The following TOGARAM1 variants were observed in gnomAD, a reference collection of about 807,000 sequenced individuals.
TOGARAM1 encodes the protein TOG array regulator of axonemal microtubules 1.
A neutral mutation model predicts 166.6 loss-of-function variants in TOGARAM1; 100 were observed. The observed-to-expected ratio is 0.60, with a 90% CI of 0.51 to 0.71. The LOEUF (loss-of-function observed/expected upper bound fraction) is 0.71. Among genes scored for constraint, TOGARAM1 ranks in the 30% least tolerant of loss-of-function variants. The pLI is 0.00. For missense variants in TOGARAM1, 2,029 were observed against 2,102.7 expected (o/e 0.96, Z 0.69); for synonymous variants, 758 against 763.8 (o/e 0.99, Z 0.13).
At chr14:44,975,558 C>T (rs913290747) in intron 1 of TOGARAM1, among the ~76,000 whole-genome samples, 2 of 152,058 alleles carry the variant, frequency 1.3e-5, no homozygotes, top group Non-Finnish European at 2.9e-5. Context: ...CCTCTGTCTC[C>T]CAGGTTCAAG....
rs771424680 is a variant in TOGARAM1, at chr14:45,052,556, G to T, written c.4434G>T (p.Gln1478His). The T allele has an allele frequency of 1.3e-6, 2 of 1,592,494 alleles. No homozygotes were observed. Among genetic ancestry groups the T allele is most frequent in the South Asian group, 2.3e-5 (2 of 88,330 alleles). ...TTAAGGACTCTGTTAGAAACTTACA[G>T]CAAAAGGTATGTGGGAAAAGTTTGT... is the stretch of plus-strand genomic sequence containing the variant. ...PYIKDSVRNL[Q>H]QKGLGEIPLD... Residue 1478 changes from glutamine to histidine, a missense_variant, in exon 15 of 20, where the codon CAG becomes CAT. Physicochemically the swap from Gln to His is conservative, Grantham distance 24 (BLOSUM62 0). This residue lies in a region of TOGARAM1 where 576 missense variants were observed against 670.5 expected (regional missense o/e 0.86). Transcript: ENST00000361462.
chr14:44,974,064 TGGG>T (rs1886051016), intron 1 of TOGARAM1, among the ~76,000 whole-genome samples: 1 of 152,014 alleles, frequency 6.6e-6, no homozygotes, highest in Admixed American at 6.5e-5. Flanking sequence ...TGACATTAAT[TGGG>T]GGAAATTCTC....
In TOGARAM1 at chr14:44,963,299, A is replaced by C. The variant is rs868609050; in HGVS notation, c.878A>C (p.Gln293Pro). 3 of 1,614,176 alleles carry C rather than the reference A, an allele frequency of 1.9e-6. No homozygotes were observed. The African/African-American group carries it at 4.0e-5, about 22-fold the overall frequency. The change falls in exon 1 of 20, where the codon CAA becomes CCA. Residue 293 changes from glutamine to proline, a missense_variant. Physicochemically the swap from Gln to Pro is moderately conservative, Grantham distance 76 (BLOSUM62 -1). Around this residue, in one of 2 missense-constraint regions of TOGARAM1, gnomAD observed 1,453 missense variants for 1,432.2 expected, o/e 1.01. Transcript: ENST00000361462. ...IGERLGQDRF[Q>P]SYISRLPSAL... ...GAGCGACTTGGCCAAGACAGGTTTC[A>C]ATCTTACATTTCTCGTCTGCCCTCT...
intron 16 of TOGARAM1, among the ~76,000 whole-genome samples, chr14:45,065,200 G>A (rs1234663798): frequency 6.6e-6 from 1 of 151,784 alleles, no homozygotes; most frequent in Non-Finnish European, 1.5e-5. Context: ...GAAAGATAGA[G>A]TGAGACTCTG....
At chr14:45,052,699 G>A in intron 15 of TOGARAM1, 137 bp downstream of exon 15, 2 of 738,722 alleles carry the variant, frequency 2.7e-6, no homozygotes, top group East Asian at 2.8e-5. Context: ...ATCTGCAATA[G>A]CATTTCAACA....
intron 7 of TOGARAM1, among the ~76,000 whole-genome samples, chr14:45,023,735 C>T (rs770313129): frequency 6.6e-6 from 1 of 152,100 alleles, no homozygotes; most frequent in Non-Finnish European, 1.5e-5. Flanking sequence ...GTTCCTACTC[C>T]ATGGCATAAC....
At chr14:45,056,681 G>T (rs1404555259) in intron 16 of TOGARAM1, among the ~76,000 whole-genome samples, 1 of 151,988 alleles carries the variant, frequency 6.6e-6, no homozygotes, top group Non-Finnish European at 1.5e-5. Flanking sequence ...TTAATTCCGT[G>T]TGTTAAACCA....
chr14:45,069,331 T>G (rs1203695651), intron 18 of TOGARAM1, among the ~76,000 whole-genome samples: 2 of 151,960 alleles, frequency 1.3e-5, no homozygotes, highest in Non-Finnish European at 2.9e-5. Flanking sequence ...ATTGTACCAC[T>G]GCACTGCAGC....
intron 1 of TOGARAM1, among the ~76,000 whole-genome samples, chr14:44,992,671 G>A (rs1342825403): frequency 7.4e-6 from 1 of 136,016 alleles, no homozygotes. Context: ...AGGCTGGAGT[G>A]CAGTGGCGCG....
intron 1 of TOGARAM1, among the ~76,000 whole-genome samples, chr14:44,980,948 T>A (rs568305581): frequency 6.6e-6 from 1 of 152,154 alleles, no homozygotes; most frequent in Admixed American, 6.5e-5. Flanking sequence ...AGTTGTTCAG[T>A]TTTATGAGGA....
Position 45,009,068 on chromosome 14 carries a change from T to C in TOGARAM1, c.3060T>C (p.Ser1020=). 2 of 1,614,078 alleles carry C rather than the reference T, an allele frequency of 1.2e-6. No individual in the cohort carries two copies. Among genetic ancestry groups the C allele is most frequent in the Admixed American group, 1.7e-5 (1 of 60,016 alleles). ...PSLSSSPNIN[S]YSESGVYSQE... Reference sequence around the variant, plus strand: ...TGTCTTCCTCACCAAACATCAATTCTTACAGTGAAAGTGGAGTTTACAGCC... The same window carrying C: ...TGTCTTCCTCACCAAACATCAATTCCTACAGTGAAAGTGGAGTTTACAGCC... The change falls in exon 6 of 20, where the codon TCT becomes TCC. Residue 1020 remains serine, a synonymous_variant. Coordinates refer to ENST00000361462, the MANE Select transcript of TOGARAM1 (RefSeq NM_001308120.2).
chr14:45,022,289 A>G lies in TOGARAM1; in HGVS notation c.3239-3494A>G, dbSNP rs1880565689. Among the ~76,000 whole-genome samples, 5 of 151,038 alleles carry G rather than the reference A, an allele frequency of 3.3e-5. No individual in the cohort carries two copies. The Admixed American group carries it at 3.3e-4, about 10-fold the overall frequency. On this transcript the variant is annotated intron_variant, in intron 7 of 19. Coordinates refer to ENST00000361462, the MANE Select transcript of TOGARAM1 (RefSeq NM_001308120.2). The stretch of plus-strand genomic sequence containing the variant: ...TGCAGAGGAAGGCCTCTGCCCAACC[A>G]GTGAAAGTATCTACCGAAACTAGTA...
At chr14:45,060,528 T>C (rs1882858711) in intron 16 of TOGARAM1, among the ~76,000 whole-genome samples, 2 of 152,090 alleles carry the variant, frequency 1.3e-5, no homozygotes, top group African/African-American at 4.8e-5. Context: ...AAATGCAAAA[T>C]GTTATTCTCC....
At chr14:45,058,782 TTGTTAAG>T (rs1361652170) in intron 16 of TOGARAM1, among the ~76,000 whole-genome samples, 1 of 152,184 alleles carries the variant, frequency 6.6e-6, no homozygotes, top group African/African-American at 2.4e-5. Flanking sequence ...TCCTGTCATA[TTGTTAAG>T]TGTTATCTCC....
chr14:45,065,342 T>C (rs1883090882), intron 16 of TOGARAM1, among the ~76,000 whole-genome samples: 2 of 152,138 alleles, frequency 1.3e-5, no homozygotes. Flanking sequence ...GCAGAAGAAT[T>C]GTCTTGGCCA....
intron 7 of TOGARAM1, chr14:45,022,817 C>G (rs1566641986): frequency 1.3e-5 from 2 of 151,926 alleles, no homozygotes; most frequent in Non-Finnish European, 2.9e-5. Flanking sequence ...CTTTCCTTTC[C>G]TTTCTGATGA....
intron 2 of TOGARAM1, among the ~76,000 whole-genome samples, chr14:44,998,816 C>T (rs1364134657): frequency 6.6e-6 from 1 of 152,004 alleles, no homozygotes; most frequent in African/African-American, 2.4e-5. Flanking sequence ...TAGACTTATT[C>T]ATCTTCCCAG....
intron 1 of TOGARAM1, among the ~76,000 whole-genome samples, chr14:44,979,601 A>G (rs1052897014): frequency 1.3e-5 from 2 of 152,240 alleles, no homozygotes; most frequent in Non-Finnish European, 2.9e-5. Context: ...TATGCCAGGC[A>G]TTATTCTATA....
chr14:45,005,409 GT>G (rs1342699628), intron 4 of TOGARAM1, among the ~76,000 whole-genome samples: 2 of 151,846 alleles, frequency 1.3e-5, no homozygotes, highest in Non-Finnish European at 2.9e-5. Flanking sequence ...GAGGTCAGGA[GT>G]TTGAGACCAG....
Sources: allele counts gnomAD v4.1 joint callset (sites outside exome capture counted in the v4.1 genomes callset), GRCh38; gene constraint gnomAD v4.1.1; regional missense constraint gnomAD v4.1.1; transcripts MANE v1.5; gene names NCBI Gene and HGNC (gene_info 2026-07-23, HGNC 2026-07-21).